MAP4K4: variants seen among roughly 807,000 people sequenced by gnomAD.
The protein encoded by MAP4K4 is mitogen-activated protein kinase kinase kinase kinase 4.
A neutral mutation model predicts 189.6 loss-of-function variants in MAP4K4; 38 were observed. The ratio of observed to expected loss-of-function variants is 0.20; its 90% CI spans 0.15 to 0.26. MAP4K4 has a LOEUF of 0.26. Among genes scored for constraint, MAP4K4 ranks in the 10% least tolerant of loss-of-function variants. The pLI is 1.00. For synonymous variants in MAP4K4, 610 were observed against 624.3 expected, an observed-to-expected ratio of 0.98 and a Z score of 0.34; for missense variants, 1,054 against 1,726.9, an observed-to-expected ratio of 0.61 and a Z score of 6.91.
intron 2 of MAP4K4, among the ~76,000 whole-genome samples, chr2:101,748,299 A>G (rs1194214655): frequency 2.0e-5 from 3 of 152,220 alleles, no homozygotes; most frequent in African/African-American, 4.8e-5. Context: ...GTGTGTGGGT[A>G]TGTGCCTCTG....
chr2:101,806,240 C>G (rs982051001), intron 3 of MAP4K4, among the ~76,000 whole-genome samples: 13 of 152,112 alleles, frequency 8.5e-5, no homozygotes, highest in African/African-American at 2.9e-4. Context: ...TTGAGGGAAT[C>G]TGTAGTTAGG....
intron 3 of MAP4K4, among the ~76,000 whole-genome samples, chr2:101,803,295 CTGTCTG>C (rs1045635205): frequency 8.0e-5 from 11 of 137,762 alleles, no homozygotes; most frequent in Non-Finnish European, 1.2e-4. Flanking sequence ...GTGTGTGTGT[CTGTCTG>C]TGTCTGTGTC....
Position 101,866,410 on chromosome 2 carries a change from CTT to C in MAP4K4, c.2205-17_2205-16del. The C allele has an allele frequency of 6.2e-7, 1 of 1,601,396 alleles. No homozygotes were observed. The highest frequency in any genetic ancestry group is 8.5e-7 in the Non-Finnish European group (1 of 1,169,680). ...AGAGATGACACATTAGCTGTTCTCT[CTT>C]CTTCTTTTCTAACAGCAGTATTGAG... is the stretch of plus-strand genomic sequence containing the variant. On this transcript the variant is annotated splice_polypyrimidine_tract_variant and intron_variant, in intron 18 of 32. Transcript: ENST00000324219.
exon 26 of MAP4K4, chr2:101,874,092 C>T (rs374102741): frequency 6.2e-7 from 1 of 1,612,608 alleles, no homozygotes; most frequent in African/African-American, 1.3e-5. Flanking sequence ...TGGGATTTTC[C>T]TGTGATGGGA....
intron 15 of MAP4K4, chr2:101,860,519 T>C (rs1316297583): frequency 4.4e-6 from 1 of 226,796 alleles, no homozygotes; most frequent in African/African-American, 2.3e-5. Context: ...AGTCTGTTGG[T>C]TTAGTTGCTT....
At chr2:101,865,189 G>A (rs1166328741) in intron 18 of MAP4K4, among the ~76,000 whole-genome samples, 153 bp downstream of exon 18, 1 of 152,220 alleles carries the variant, frequency 6.6e-6, no homozygotes, top group Non-Finnish European at 1.5e-5. Context: ...ATCCATCAAC[G>A]TGGATGGCAT....
chr2:101,845,282 AT>A (rs756518253), intron 12 of MAP4K4, among the ~76,000 whole-genome samples: 8 of 152,216 alleles, frequency 5.3e-5, no homozygotes, highest in Non-Finnish European at 7.3e-5. Context: ...GGAGAAGTAC[AT>A]TTTACACCAC....
intron 3 of MAP4K4, among the ~76,000 whole-genome samples, chr2:101,793,123 A>G (rs1008349618): frequency 1.3e-5 from 2 of 152,244 alleles, no homozygotes; most frequent in African/African-American, 2.4e-5. Flanking sequence ...CATGCATGAT[A>G]TAAGTAGTTT....
At chr2:101,881,081 G>A (rs1327806670) in intron 27 of MAP4K4, among the ~76,000 whole-genome samples, 1 of 152,210 alleles carries the variant, frequency 6.6e-6, no homozygotes, top group African/African-American at 2.4e-5. Flanking sequence ...TGTCTTGACA[G>A]TATTGACTGT....
chr2:101,764,282 C>T (rs543641891), intron 2 of MAP4K4, among the ~76,000 whole-genome samples: 153 of 152,160 alleles, frequency 1.0e-3, no homozygotes, highest in Middle Eastern at 6.8e-3. Context: ...AAAATTATAC[C>T]CAAATTGAAC....
At chr2:101,737,455 ATATATATTTTTTTTTTTT>A (rs1276443548) in intron 2 of MAP4K4, among the ~76,000 whole-genome samples, 1 of 36,570 alleles carries the variant, frequency 2.7e-5, no homozygotes, top group Non-Finnish European at 4.4e-5. Context: ...ATATATATAT[ATATATATTTTTTTTTTTT>A]TTTTTTTTTT....
intron 11 of MAP4K4, 87 bp from the exon 12 acceptor site, chr2:101,844,014 A>G: frequency 1.2e-6 from 1 of 841,562 alleles, no homozygotes; most frequent in Non-Finnish European, 1.9e-6. Flanking sequence ...ATGAATGTAG[A>G]AATGGGATAA....
intron 2 of MAP4K4, among the ~76,000 whole-genome samples, chr2:101,720,742 A>G (rs2051407007): frequency 6.6e-6 from 1 of 152,226 alleles, no homozygotes; most frequent in Non-Finnish European, 1.5e-5. Context: ...CTGAAAATTC[A>G]GATATTCAAG....
intron 20 of MAP4K4, chr2:101,867,634 A>T: frequency 6.3e-6 from 2 of 317,488 alleles, no homozygotes; most frequent in Non-Finnish European, 5.8e-6. Context: ...CTGATGCTTT[A>T]AAAAAAATAC....
intron 2 of MAP4K4, among the ~76,000 whole-genome samples, chr2:101,778,156 G>GT (rs2085284291): frequency 6.6e-6 from 1 of 152,156 alleles, no homozygotes; most frequent in African/African-American, 2.4e-5. Flanking sequence ...GGACCTGTGG[G>GT]TCTGGGGGGA....
chr2:101,787,056 A>G (rs2091535600), intron 2 of MAP4K4, among the ~76,000 whole-genome samples: 1 of 152,206 alleles, frequency 6.6e-6, no homozygotes, highest in Non-Finnish European at 1.5e-5. Flanking sequence ...ATGTATATTT[A>G]ATACTGACCA....
chr2:101,703,479 G>A (rs914473782), intron 2 of MAP4K4, among the ~76,000 whole-genome samples: 11 of 151,744 alleles, frequency 7.2e-5, no homozygotes, highest in Non-Finnish European at 1.0e-4. Flanking sequence ...GTAGCCAGGC[G>A]TGGTGGTGTA....
chr2:101,814,050 T>C (rs548977255), intron 3 of MAP4K4, among the ~76,000 whole-genome samples: 2 of 152,344 alleles, frequency 1.3e-5, no homozygotes, highest in East Asian at 1.9e-4. Context: ...TATTTAATTA[T>C]TGAAGGCATG....
chr2:101,735,310 C>T (rs1485814768), intron 2 of MAP4K4, among the ~76,000 whole-genome samples: 1 of 152,148 alleles, frequency 6.6e-6, no homozygotes, highest in Non-Finnish European at 1.5e-5. Flanking sequence ...TCTGACTAAT[C>T]ATTTTCACCA....
Sources: gnomAD v4.1 joint callset for allele counts (sites outside exome capture counted in the v4.1 genomes callset) on GRCh38, gnomAD v4.1.1 for gene constraint, MANE v1.5 for transcripts, NCBI Gene and HGNC (gene_info 2026-07-23, HGNC 2026-07-21) for gene names.